Variants in EXT1 observed in about 807,000 individuals in gnomAD.
EXT1 encodes exostosin-1.
EXT1 carries 20 observed loss-of-function variants against 82.5 expected under a neutral mutation model. That is an observed-to-expected ratio of 0.24 (90% confidence interval 0.17 to 0.35). The LOEUF is 0.35. Ranked by LOEUF, EXT1 falls within the 10% of genes least tolerant of loss-of-function variation. EXT1 has a pLI of 1.00. For synonymous variants in EXT1, 348 were observed against 350.8 expected (o/e 0.99, Z 0.09); for missense variants, 757 against 936.5 (o/e 0.81, Z 2.50).
In EXT1 at chr8:117,835,570, T is replaced by C. The variant is rs752492815; in HGVS notation, c.1057-19A>G. ...AGGCAGCCTGAGCAAAAAAGGGGAC[T>C]TCGTGAATGTGAGGAAAGCGACAGC... On this transcript the variant is annotated intron_variant, in intron 2 of 10. Coordinates refer to ENST00000378204, the MANE Select transcript of EXT1 (RefSeq NM_000127.3). 11 of 1,574,750 alleles carry C rather than the reference T, an allele frequency of 7.0e-6. No individual in the cohort carries two copies. The highest frequency in any genetic ancestry group is 7.9e-6 in the Non-Finnish European group (9 of 1,143,952).
intron 1 of EXT1, among the ~76,000 whole-genome samples, chr8:117,867,668 C>T (rs112164334): frequency 6.6e-6 from 1 of 152,216 alleles, no homozygotes; most frequent in South Asian, 2.1e-4. Context: ...TCCTTCAGAT[C>T]TACCCACTTC....
intron 1 of EXT1, among the ~76,000 whole-genome samples, chr8:117,910,590 G>A (rs1389394653): frequency 6.6e-6 from 1 of 152,132 alleles, no homozygotes; most frequent in Admixed American, 6.5e-5. Context: ...GGAGGAGGGA[G>A]GAAGAAGAGT....
rs1267068635 is a variant in EXT1, at chr8:117,837,120, C to G, written c.1044G>C (p.Leu348=). The part of the protein sequence containing the change: ...RGRRLGSFRF[L]EALQAACVPV... ...CAGGGCCTCTTACCTGCAAAGCCTCCAGGAATCTGAAGGACCCAAGCCTGC... is the reference window on the plus strand; with the variant it reads ...CAGGGCCTCTTACCTGCAAAGCCTCGAGGAATCTGAAGGACCCAAGCCTGC... The change falls in exon 2 of 11, where the codon CTG becomes CTC. Residue 348 remains leucine (L), a synonymous_variant. Coordinates refer to ENST00000378204, the MANE Select transcript of EXT1 (RefSeq NM_000127.3). 1.2e-6 allele frequency: 2 copies of G among 1,613,918 alleles called. No individual in the cohort carries two copies. Among genetic ancestry groups the G allele is most frequent in the Non-Finnish European group, 1.7e-6 (2 of 1,179,882 alleles).
intron 1 of EXT1, among the ~76,000 whole-genome samples, chr8:117,898,925 T>A (rs1813393329): frequency 6.6e-6 from 1 of 152,208 alleles, no homozygotes; most frequent in South Asian, 2.1e-4. Context: ...AATTCCTGAT[T>A]TGTTTTGATT....
chr8:117,818,302 C>G, intron 7 of EXT1, 133 bp downstream of exon 7: 1 of 759,248 alleles, frequency 1.3e-6, no homozygotes, highest in South Asian at 1.5e-5. Context: ...TGAGAATATT[C>G]TGAGAAAAGT....
intron 1 of EXT1, among the ~76,000 whole-genome samples, chr8:117,902,387 T>C (rs1813465990): frequency 6.6e-6 from 1 of 152,240 alleles, no homozygotes; most frequent in Non-Finnish European, 1.5e-5. Flanking sequence ...TAATTGTATG[T>C]GCTATACTTT....
chr8:117,800,285 T>A (rs1823146899), intron 10 of EXT1, among the ~76,000 whole-genome samples: 1 of 152,236 alleles, frequency 6.6e-6, no homozygotes, highest in African/African-American at 2.4e-5. Flanking sequence ...AAGAGTTTTC[T>A]AAATCCTTCC....
intron 1 of EXT1, among the ~76,000 whole-genome samples, chr8:117,923,421 T>C (rs1429148394): frequency 6.6e-6 from 1 of 150,806 alleles, no homozygotes; most frequent in Non-Finnish European, 1.5e-5. Context: ...GCATGTTTAC[T>C]TGACTTAAAG....
chr8:118,096,687 G>T lies in EXT1; in HGVS notation c.962+13398C>A, dbSNP rs1817624772. Among the ~76,000 whole-genome samples the T allele has an allele frequency of 2.1e-5, 3 of 144,464 alleles. No individual in the cohort carries two copies. The Admixed American group carries it at 2.1e-4, about 10-fold the overall frequency. The allele number at this position is 144,464 out of a possible 152,430, so 94.8% of individuals were successfully genotyped here. Reference sequence around the variant, plus strand: ...GGAAGGAAGGAAGGGAGGGAGGGAGGGAGGGAAGGAGGGAAGGAGGGAGGG... The same window carrying T: ...GGAAGGAAGGAAGGGAGGGAGGGAGTGAGGGAAGGAGGGAAGGAGGGAGGG... On this transcript the variant is annotated intron_variant, in intron 1 of 10. Coordinates refer to ENST00000378204, the MANE Select transcript of EXT1 (RefSeq NM_000127.3).
intron 1 of EXT1, among the ~76,000 whole-genome samples, chr8:118,087,410 C>A (rs1303664565): frequency 6.6e-6 from 1 of 152,150 alleles, no homozygotes; most frequent in African/African-American, 2.4e-5. Context: ...TGTCAGGGAT[C>A]TTTAACCAAG....
intron 1 of EXT1, among the ~76,000 whole-genome samples, chr8:118,032,703 T>C (rs889567622): frequency 1.3e-5 from 2 of 151,762 alleles, no homozygotes; most frequent in African/African-American, 4.8e-5. Flanking sequence ...AGGGACGAGG[T>C]TTCTCCACGT....
intron 1 of EXT1, among the ~76,000 whole-genome samples, chr8:117,983,838 C>T (rs1313916840): frequency 6.6e-6 from 1 of 152,188 alleles, no homozygotes; most frequent in Non-Finnish European, 1.5e-5. Context: ...ACCTGGTCCT[C>T]CATACTCTGA....
intron 1 of EXT1, among the ~76,000 whole-genome samples, chr8:118,071,294 T>C (rs1435030080): frequency 2.0e-5 from 3 of 152,306 alleles, no homozygotes; most frequent in African/African-American, 7.2e-5. Context: ...CATCTAATGA[T>C]AGTACCTCCT....
At chr8:117,911,944 A>G (rs915130152) in intron 1 of EXT1, among the ~76,000 whole-genome samples, 2 of 152,224 alleles carry the variant, frequency 1.3e-5, no homozygotes, top group African/African-American at 2.4e-5. Flanking sequence ...CACGGGAGCT[A>G]TGTTTAGTTA....
intron 1 of EXT1, among the ~76,000 whole-genome samples, chr8:117,863,479 C>G (rs1309780063): frequency 1.4e-5 from 2 of 143,412 alleles, no homozygotes; most frequent in Non-Finnish European, 3.0e-5. Context: ...GCTTTGCTGG[C>G]AGACGGCTGA....
intron 8 of EXT1, among the ~76,000 whole-genome samples, chr8:117,810,801 A>C (rs17503131): frequency 2.5e-3 from 388 of 152,294 alleles, no homozygotes; most frequent in African/African-American, 8.9e-3. Flanking sequence ...TATGGACTGC[A>C]TCACCTGGTT....
At position 117,795,760 on chromosome 8, in the gene EXT1, C is replaced by T. The variant is rs1823080728; in HGVS notation, c.*3952G>A. 1 of 151,762 alleles carries T rather than the reference C, an allele frequency of 6.6e-6. No homozygotes were observed. The highest frequency in any genetic ancestry group is 1.9e-4 in the East Asian group (1 of 5,156). The allele number at this position is 151,762 out of a possible 1,614,324, so 9.4% of individuals were successfully genotyped here. A position where few individuals can be genotyped will look rare whatever the true frequency, so the allele number is the denominator to read the frequency against. ...TGCAGTGACTGAGCTGAGATCACACCAATGCATTCCAGCCTGGGTGACAGG... is the reference window on the plus strand; with the variant it reads ...TGCAGTGACTGAGCTGAGATCACACTAATGCATTCCAGCCTGGGTGACAGG... On this transcript the variant is annotated 3_prime_UTR_variant, in exon 11 of 11. Coordinates refer to ENST00000378204, the MANE Select transcript of EXT1 (RefSeq NM_000127.3).
rs1184228548 is a variant in EXT1 at position 118,110,458 on chromosome 8, A to C, written c.589T>G (p.Ser197Ala). 6.2e-7 allele frequency: 1 copy of C among 1,614,144 alleles called. No individual in the cohort carries two copies. The highest frequency in any genetic ancestry group is 8.5e-7 in the Non-Finnish European group (1 of 1,180,032). The part of the protein sequence containing the change: ...GRNHLIFNLY[S>A]GTWPDYTEDV... ...TCGGTGTAGTCAGGCCAAGTGCCGG[A>C]ATATAAATTAAAAATTAAATGATTC... The change falls in exon 1 of 11, where the codon TCC becomes GCC. Residue 197 changes from serine to alanine, a missense_variant. By Grantham distance (99) the Ser-to-Ala change is moderately conservative. Around this residue, in one of 4 missense-constraint regions of EXT1, gnomAD observed 247 missense variants for 330.1 expected, o/e 0.75. Coordinates refer to ENST00000378204, the MANE Select transcript of EXT1 (RefSeq NM_000127.3).
At chr8:118,011,899 G>C (rs1173864260) in intron 1 of EXT1, among the ~76,000 whole-genome samples, 2 of 152,192 alleles carry the variant, frequency 1.3e-5, no homozygotes, top group Non-Finnish European at 2.9e-5. Context: ...GGCTCAGGAA[G>C]GGAGGACAGT....
Sources: gnomAD v4.1 joint callset for allele counts (sites outside exome capture counted in the v4.1 genomes callset) on GRCh38, gnomAD v4.1.1 for gene constraint, gnomAD v4.1.1 regional missense constraint, MANE v1.5 for transcripts, NCBI Gene and HGNC (gene_info 2026-07-23, HGNC 2026-07-21) for gene names.